The following KSR2 variants were observed in gnomAD, a reference collection of about 807,000 sequenced individuals.
KSR2 encodes the protein kinase suppressor of ras 2.
A neutral mutation model predicts 107.8 loss-of-function variants in KSR2; 25 were observed. That is an observed-to-expected ratio of 0.23 (90% confidence interval 0.17 to 0.32). KSR2 has a LOEUF of 0.32. Among genes scored for constraint, KSR2 ranks in the 10% least tolerant of loss-of-function variants. KSR2 has a pLI of 1.00. For missense variants in KSR2, 887 were observed against 1,268.9 expected, an observed-to-expected ratio of 0.70 and a Z score of 4.57; for synonymous variants, 480 against 507.0, an observed-to-expected ratio of 0.95 and a Z score of 0.71.
chr12:117,655,604 G>C (rs1261431508), intron 5 of KSR2, among the ~76,000 whole-genome samples: 1 of 152,156 alleles, frequency 6.6e-6, no homozygotes, highest in Non-Finnish European at 1.5e-5. Context: ...TTTGCTTCCT[G>C]ATCCCACGAC....
intron 1 of KSR2, among the ~76,000 whole-genome samples, chr12:117,923,879 CTTT>C (rs547713240): frequency 5.9e-5 from 8 of 135,440 alleles, no homozygotes; most frequent in Admixed American, 1.5e-4. Flanking sequence ...TATATATTTG[CTTT>C]TTTTTTTTTT....
rs187986398 is a variant in KSR2, at chr12:117,863,945, C to A, written c.181-3514G>T. On this transcript the variant is annotated intron_variant, in intron 1 of 19. Transcript: ENST00000339824. Reference sequence around the variant, plus strand: ...CCCTTGCAATGATCTGGGGCCCACCCAGACAACCCAGGGCAATCTCCCCAT... The same window carrying A: ...CCCTTGCAATGATCTGGGGCCCACCAAGACAACCCAGGGCAATCTCCCCAT... 3.3e-5 allele frequency among the ~76,000 whole-genome samples: 5 copies of A among 152,290 alleles called. No individual in the cohort carries two copies. The East Asian group carries it at 9.7e-4, about 29-fold the overall frequency.
chr12:117,561,456 C>A (rs1878116446), intron 7 of KSR2, among the ~76,000 whole-genome samples: 1 of 152,182 alleles, frequency 6.6e-6, no homozygotes, highest in Non-Finnish European at 1.5e-5. Flanking sequence ...TTGTTAGTCC[C>A]ATTTTACAGA....
chr12:117,740,390 A>G (rs1357535773), intron 4 of KSR2, among the ~76,000 whole-genome samples: 2 of 139,838 alleles, frequency 1.4e-5, no homozygotes, highest in Non-Finnish European at 3.0e-5. Flanking sequence ...TATATACCAT[A>G]TATAATATAT....
At chr12:117,606,165 G>A (rs1016831464) in intron 5 of KSR2, among the ~76,000 whole-genome samples, 1 of 152,080 alleles carries the variant, frequency 6.6e-6, no homozygotes, top group Non-Finnish European at 1.5e-5. Flanking sequence ...CAGTTAAAAA[G>A]TTTAAATACA....
intron 16 of KSR2, among the ~76,000 whole-genome samples, chr12:117,479,265 T>C (rs1358173633): frequency 2.0e-5 from 3 of 152,196 alleles, no homozygotes; most frequent in South Asian, 2.1e-4. Context: ...CAACTCTTAA[T>C]TGCATTTGGA....
At chr12:117,699,152 A>T (rs139825368) in intron 4 of KSR2, among the ~76,000 whole-genome samples, 221 of 152,294 alleles carry the variant, frequency 1.5e-3, no homozygotes, top group African/African-American at 5.1e-3. Flanking sequence ...CTATATGAAG[A>T]CAGGGCCTTT....
chr12:117,880,122 G>A (rs1020067855), intron 1 of KSR2, among the ~76,000 whole-genome samples: 3 of 151,884 alleles, frequency 2.0e-5, no homozygotes, highest in African/African-American at 4.8e-5. Context: ...CTCCAGCCTG[G>A]GCAACAAGAG....
chr12:117,662,372 CTT>C (rs1884472496), intron 5 of KSR2, among the ~76,000 whole-genome samples: 1 of 152,202 alleles, frequency 6.6e-6, no homozygotes, highest in African/African-American at 2.4e-5. Flanking sequence ...TCCTGAGTCT[CTT>C]TATAACCCTT....
chr12:117,858,240 C>T (rs957847982), intron 2 of KSR2, among the ~76,000 whole-genome samples: 1 of 152,196 alleles, frequency 6.6e-6, no homozygotes, highest in Non-Finnish European at 1.5e-5. Context: ...CGAATCGTTT[C>T]TACCTTATTT....
chr12:117,676,004 C>G (rs930627503), intron 4 of KSR2, among the ~76,000 whole-genome samples: 1 of 152,228 alleles, frequency 6.6e-6, no homozygotes, highest in South Asian at 2.1e-4. Flanking sequence ...ATCCTTTGCT[C>G]TTGGGCTGAT....
rs201431176 is a variant in KSR2 at position 117,558,493 on chromosome 12, G to C, written c.1393+13C>G. The C allele has an allele frequency of 1.4e-5, 23 of 1,612,782 alleles. No homozygotes were observed. Among genetic ancestry groups the C allele is most frequent in the Non-Finnish European group, 2.0e-5 (23 of 1,178,942 alleles). ...CACCCCTGCCCCTAGGGCAGTAAGTGTTAAATAGTTACCTCCTCGGTGGAT... is the reference window on the plus strand; with the variant it reads ...CACCCCTGCCCCTAGGGCAGTAAGTCTTAAATAGTTACCTCCTCGGTGGAT... On this transcript the variant is annotated intron_variant, in intron 8 of 19. Transcript: ENST00000339824.
chr12:117,710,219 G>C (rs1447670951), intron 4 of KSR2, among the ~76,000 whole-genome samples: 1 of 144,440 alleles, frequency 6.9e-6, no homozygotes, highest in Non-Finnish European at 1.5e-5. Flanking sequence ...CATCGCTGCT[G>C]TTTTGTTTAA....
intron 4 of KSR2, among the ~76,000 whole-genome samples, chr12:117,713,513 C>A (rs1886871734): frequency 6.6e-6 from 1 of 152,134 alleles, no homozygotes; most frequent in South Asian, 2.1e-4. Context: ...AGAGCAATGA[C>A]TTTGGGACTA....
At chr12:117,678,544 A>G (rs1885237436) in intron 4 of KSR2, among the ~76,000 whole-genome samples, 1 of 152,204 alleles carries the variant, frequency 6.6e-6, no homozygotes, top group African/African-American at 2.4e-5. Context: ...TCCTCCAGGT[A>G]CAAAACAGAA....
intron 7 of KSR2, among the ~76,000 whole-genome samples, chr12:117,578,249 T>C (rs1593013025): frequency 2.0e-5 from 3 of 152,032 alleles, no homozygotes; most frequent in Admixed American, 2.0e-4. Flanking sequence ...AAAATGGGGA[T>C]AATTACAAGG....
At chr12:117,624,507 G>T (rs900332869) in intron 5 of KSR2, among the ~76,000 whole-genome samples, 2 of 152,106 alleles carry the variant, frequency 1.3e-5, no homozygotes, top group Admixed American at 6.6e-5. Flanking sequence ...TTTTTGTCAG[G>T]TTTGTCAAAG....
chr12:117,929,818 A>T (rs1295863726), intron 1 of KSR2, among the ~76,000 whole-genome samples: 1 of 152,312 alleles, frequency 6.6e-6, no homozygotes, highest in East Asian at 1.9e-4. Context: ...CAAATTCATA[A>T]AGACAGAAAG....
chr12:117,909,178 T>G (rs1006830477), intron 1 of KSR2, among the ~76,000 whole-genome samples: 1 of 152,194 alleles, frequency 6.6e-6, no homozygotes, highest in Non-Finnish European at 1.5e-5. Flanking sequence ...ATTACTTTAC[T>G]TTTACCTACT....
Sources: gnomAD v4.1 joint callset for allele counts (sites outside exome capture counted in the v4.1 genomes callset) on GRCh38, gnomAD v4.1.1 for gene constraint, MANE v1.5 for transcripts, NCBI Gene and HGNC (gene_info 2026-07-23, HGNC 2026-07-21) for gene names.